Variants in GRIP1 observed in about 807,000 individuals in gnomAD.
GRIP1 encodes the protein glutamate receptor interacting protein 1.
A neutral mutation model predicts 129.9 loss-of-function variants in GRIP1; 45 were observed. The observed-to-expected ratio is 0.35, with a 90% CI of 0.27 to 0.44. The LOEUF (loss-of-function observed/expected upper bound fraction) is 0.44. Among genes scored for constraint, GRIP1 ranks in the 20% least tolerant of loss-of-function variants. The probability of loss-of-function intolerance (pLI) is 1.00; values close to 1 mark genes in which losing one functional copy is unlikely to be tolerated. For synonymous variants in GRIP1, 530 were observed against 520.8 expected (o/e 1.02, Z -0.24); for missense variants, 1,196 against 1,396.8 (o/e 0.86, Z 2.29).
At chr12:66,525,276 C>T (rs1403530144) in intron 5 of GRIP1, among the ~76,000 whole-genome samples, 2 of 152,146 alleles carry the variant, frequency 1.3e-5, no homozygotes, top group African/African-American at 4.8e-5. Flanking sequence ...ATGCAAAAAT[C>T]CTCAATAAAA....
intron 1 of GRIP1, among the ~76,000 whole-genome samples, chr12:66,782,026 T>A (rs2038177186): frequency 6.6e-6 from 1 of 152,198 alleles, no homozygotes; most frequent in South Asian, 2.1e-4. Context: ...CAGATCAGGA[T>A]GGTGGTTAAC....
intron 1 of GRIP1, among the ~76,000 whole-genome samples, chr12:66,903,531 T>C (rs1279932256): frequency 1.3e-5 from 2 of 152,076 alleles, no homozygotes; most frequent in Non-Finnish European, 2.9e-5. Context: ...AAAAAAAATA[T>C]TGTGAGCTTT....
intron 15 of GRIP1, among the ~76,000 whole-genome samples, chr12:66,414,705 G>C (rs1223498616): frequency 1.3e-5 from 2 of 151,882 alleles, no homozygotes; most frequent in South Asian, 2.1e-4. Flanking sequence ...ATACTACAAG[G>C]CTACAGTAAC....
At chr12:66,450,988 C>T (rs578091558) in intron 11 of GRIP1, among the ~76,000 whole-genome samples, 23 of 152,268 alleles carry the variant, frequency 1.5e-4, no homozygotes, top group African/African-American at 4.8e-4. Flanking sequence ...CAGATGCTTC[C>T]GCAAGGTATT....
intron 1 of GRIP1, among the ~76,000 whole-genome samples, chr12:66,941,608 G>A (rs2041587267): frequency 6.6e-6 from 1 of 152,140 alleles, no homozygotes; most frequent in Non-Finnish European, 1.5e-5. Context: ...GCTTTACCGT[G>A]AGGAGCTGCT....
chr12:67,063,919 A>G (rs2043578434), intron 1 of GRIP1, among the ~76,000 whole-genome samples: 1 of 152,236 alleles, frequency 6.6e-6, no homozygotes, highest in South Asian at 2.1e-4. Context: ...GGACAAATAT[A>G]CAATGGCTGT....
At chr12:66,550,927 C>T (rs934620574) in intron 2 of GRIP1, among the ~76,000 whole-genome samples, 18 of 152,164 alleles carry the variant, frequency 1.2e-4, no homozygotes, top group African/African-American at 3.9e-4. Flanking sequence ...ATCTCGGAAT[C>T]ACACTTGCTT....
intron 1 of GRIP1, among the ~76,000 whole-genome samples, chr12:66,935,451 C>T (rs1471553355): frequency 6.6e-6 from 1 of 152,028 alleles, no homozygotes; most frequent in South Asian, 2.1e-4. Context: ...CTAGAAAGAC[C>T]AATTATGTGA....
intron 11 of GRIP1, among the ~76,000 whole-genome samples, chr12:66,449,574 A>G (rs1264075260): frequency 6.6e-6 from 1 of 152,162 alleles, no homozygotes; most frequent in Non-Finnish European, 1.5e-5. Context: ...GAAGCTTGCA[A>G]TTGCCAGGTC....
chr12:66,737,649 G>A lies in GRIP1; in HGVS notation c.-420+66404C>T, dbSNP rs151320156. On this transcript the variant is annotated intron_variant, in intron 1 of 4. Coordinates refer to the GRIP1 transcript ENST00000538373. ...TCTATCTTCCTCTTCCTCGAACTCA[G>A]TATCTCTTTGACAATATTTTTAAAA... is the stretch of plus-strand genomic sequence containing the variant. Among the ~76,000 whole-genome samples the A allele has an allele frequency of 2.2e-3, 340 of 151,854 alleles. 3 individuals carry two copies. The highest frequency in any genetic ancestry group is 7.2e-3 in the African/African-American group (297 of 41,476).
chr12:66,678,920 T>C lies in GRIP1; in HGVS notation c.-16A>G. 1 of 1,613,320 alleles carries C rather than the reference T, an allele frequency of 6.2e-7. No homozygotes were observed. The highest frequency in any genetic ancestry group is 8.5e-7 in the Non-Finnish European group (1 of 1,179,524). ...CAGCTATCATTCTTGCTCACTGCTTTCTGTGGCAAAGTGTACTCAAGGCTC... is the reference window on the plus strand; with the variant it reads ...CAGCTATCATTCTTGCTCACTGCTTCCTGTGGCAAAGTGTACTCAAGGCTC... On this transcript the variant is annotated 5_prime_UTR_variant, in exon 1 of 25. Coordinates refer to ENST00000359742, the MANE Select transcript of GRIP1 (RefSeq NM_001366722.1).
intron 14 of GRIP1, among the ~76,000 whole-genome samples, chr12:66,425,083 T>C (rs1294775660): frequency 2.6e-5 from 4 of 152,202 alleles, no homozygotes; most frequent in Non-Finnish European, 4.4e-5. Flanking sequence ...GAAGAGTTTA[T>C]TGAGACCTTG....
At chr12:66,837,324 TAC>T (rs1361669350) in intron 1 of GRIP1, among the ~76,000 whole-genome samples, 1 of 152,122 alleles carries the variant, frequency 6.6e-6, no homozygotes, top group East Asian at 1.9e-4. Context: ...ATCTAAAACC[TAC>T]AGAGACAGAA....
chr12:67,009,749 T>G (rs900565955), intron 1 of GRIP1, among the ~76,000 whole-genome samples: 2 of 152,156 alleles, frequency 1.3e-5, no homozygotes, highest in Non-Finnish European at 1.5e-5. Flanking sequence ...ATAAAGTCTG[T>G]GCATTTTTAA....
chr12:66,709,998 TCATCA>T (rs1361429200), intron 1 of GRIP1, among the ~76,000 whole-genome samples: 5 of 152,020 alleles, frequency 3.3e-5, no homozygotes, highest in Non-Finnish European at 7.4e-5. Flanking sequence ...AACGCCATTC[TCATCA>T]CATCACATCA....
At chr12:66,808,361 G>A (rs1367025347), upstream of GRIP1, among the ~76,000 whole-genome samples, 1 of 152,058 alleles carries the variant, frequency 6.6e-6, no homozygotes, top group Admixed American at 6.6e-5. Context: ...GCAGTAGCAC[G>A]ATCTCGGCTC....
chr12:66,372,623 C>T (rs1283876579), intron 22 of GRIP1, among the ~76,000 whole-genome samples: 1 of 152,052 alleles, frequency 6.6e-6, no homozygotes, highest in African/African-American at 2.4e-5. Flanking sequence ...ACTTTTTGCT[C>T]ACAAGCAGTA....
chr12:66,889,493 C>A (rs985662910), intron 1 of GRIP1, among the ~76,000 whole-genome samples: 2 of 152,074 alleles, frequency 1.3e-5, no homozygotes, highest in African/African-American at 4.8e-5. Context: ...ATTTCAAAGA[C>A]TTTTGGAGAA....
At chr12:66,376,413 T>G (rs1341780109) in intron 22 of GRIP1, among the ~76,000 whole-genome samples, 1 of 152,146 alleles carries the variant, frequency 6.6e-6, no homozygotes, top group Non-Finnish European at 1.5e-5. Flanking sequence ...TCAGAAAATT[T>G]AAAAGAACAT....
Sources: allele counts gnomAD v4.1 joint callset (sites outside exome capture counted in the v4.1 genomes callset), GRCh38; gene constraint gnomAD v4.1.1; transcripts MANE v1.5; gene names NCBI Gene and HGNC (gene_info 2026-07-23, HGNC 2026-07-21).